Variants in RHBDL2 observed in about 807,000 individuals in gnomAD.
RHBDL2 encodes rhomboid like 2.
RHBDL2 carries 26 observed loss-of-function variants against 31.7 expected under a neutral mutation model. The ratio of observed to expected loss-of-function variants is 0.82; its 90% CI spans 0.60 to 1.14. RHBDL2 has a LOEUF of 1.14. Ranked by LOEUF, RHBDL2 falls within the 50% of genes most tolerant of loss-of-function variation. RHBDL2 has a pLI of 0.00. For synonymous variants in RHBDL2, 123 were observed against 127.2 expected (o/e 0.97, Z 0.22); for missense variants, 336 against 364.4 (o/e 0.92, Z 0.63).
intron 4 of RHBDL2, among the ~76,000 whole-genome samples, chr1:38,898,639 C>T (rs1642948222): frequency 6.6e-6 from 1 of 152,116 alleles, no homozygotes; most frequent in Non-Finnish European, 1.5e-5. Flanking sequence ...TTACAGAATA[C>T]AGCGCATGAA....
At chr1:38,888,445 A>G (rs4506432) in intron 6 of RHBDL2, among the ~76,000 whole-genome samples, 144,790 of 152,238 alleles carry the variant, frequency 0.95, 69,151 homozygotes, top group African/African-American at 0.98. Flanking sequence ...TACAAAGAGA[A>G]GAAGAAATAG....
At chr1:38,907,823 G>T (rs1421997513) in intron 4 of RHBDL2, among the ~76,000 whole-genome samples, 4 of 152,112 alleles carry the variant, frequency 2.6e-5, no homozygotes, top group African/African-American at 9.7e-5. Flanking sequence ...AGGACCTAAG[G>T]TTCAGTGAAA....
chr1:38,902,570 C>T (rs1643007000), intron 4 of RHBDL2, among the ~76,000 whole-genome samples: 1 of 151,826 alleles, frequency 6.6e-6, no homozygotes, highest in Admixed American at 6.6e-5. Flanking sequence ...CAGGTGCACA[C>T]CACCATGCCC....
chr1:38,896,055 A>C lies in RHBDL2; in HGVS notation c.523T>G (p.Ser175Ala). ...AGVIAGSLAS[S>A]IFDPLRYLVG... ...AGATATCTGAGTGGGTCAAAGATGG[A>C]GCTGGCAAGGGACCCTAAAGAAATA... Residue 175 changes from serine (S) to alanine (A), a missense_variant, in exon 5 of 8, where the codon TCC (serine) becomes GCC (alanine). Transcript: ENST00000372990. 2 of 1,613,306 alleles carry C rather than the reference A, an allele frequency of 1.2e-6. No homozygotes were observed. The highest frequency in any genetic ancestry group is 1.7e-6 in the Non-Finnish European group (2 of 1,179,316).
chr1:38,917,478 A>G (rs1483224570), intron 2 of RHBDL2, among the ~76,000 whole-genome samples: 2 of 152,152 alleles, frequency 1.3e-5, no homozygotes, highest in Non-Finnish European at 2.9e-5. Context: ...CATAGCACTC[A>G]TTGCCTAGGC....
rs533124602 is a variant in RHBDL2 at position 38,918,871 on chromosome 1, G to C, written c.246+96C>G. On this transcript the variant is annotated intron_variant, in intron 2 of 7. Transcript: ENST00000372990. ...CCATCCCCACGAAGCTCTCTCCCAT[G>C]TTCCCAGTCTCTTCTCTAGATCTAG... 2.7e-6 allele frequency: 4 copies of C among 1,459,410 alleles called. No homozygotes were observed. The South Asian group carries it at 4.0e-5, about 14-fold the overall frequency. The allele number at this position is 1,459,410 out of a possible 1,614,324, so 90.4% of individuals were successfully genotyped here. A position where few individuals can be genotyped will look rare whatever the true frequency, so the allele number is the denominator to read the frequency against.
In RHBDL2 at chr1:38,919,047, C is replaced by T. The variant is rs760049850; in HGVS notation, c.166G>A (p.Glu56Lys). The change falls in exon 2 of 8, where the codon GAA (glutamate) becomes AAA (lysine). Residue 56 changes from glutamate (E) to lysine (K), a missense_variant. Physicochemically the swap from Glu to Lys is moderately conservative, Grantham distance 56. Coordinates refer to ENST00000372990, the MANE Select transcript of RHBDL2 (RefSeq NM_017821.5). Reference sequence around the variant, plus strand: ...TCCAAGTATGTTCCTCGGGACTTTTCGGGCAGCATCCATTTTGAGACAATC... The same window carrying T: ...TCCAAGTATGTTCCTCGGGACTTTTTGGGCAGCATCCATTTTGAGACAATC... ...HRIVSKWMLP[E>K]KSRGTYLERA... is the part of the protein sequence containing the mutation. 8.9e-5 allele frequency: 143 copies of T among 1,614,038 alleles called. No individual in the cohort carries two copies. The highest frequency in any genetic ancestry group is 2.1e-4 in the South Asian group (19 of 91,080).
At chr1:38,915,282 G>T (rs1643217003) in intron 3 of RHBDL2, among the ~76,000 whole-genome samples, 1 of 151,574 alleles carries the variant, frequency 6.6e-6, no homozygotes, top group African/African-American at 2.4e-5. Flanking sequence ...GCATCACCAT[G>T]CCTGTCTAAT....
intron 3 of RHBDL2, among the ~76,000 whole-genome samples, chr1:38,912,883 C>CATATATATATATATATATATATATAT (rs141150431): frequency 2.8e-5 from 3 of 106,630 alleles, no homozygotes; most frequent in African/African-American, 1.5e-4. Context: ...TACCATATAC[C>CATATATATATATATATATATATATAT]ATATATATAT....
chr1:38,922,775 T>C (rs892587692), intron 1 of RHBDL2, among the ~76,000 whole-genome samples: 3 of 151,662 alleles, frequency 2.0e-5, no homozygotes, highest in Non-Finnish European at 4.4e-5. Flanking sequence ...TGAGGAAATA[T>C]TACCTATTAG....
chr1:38,924,615 G>A (rs1290199099), intron 1 of RHBDL2, among the ~76,000 whole-genome samples: 5 of 151,518 alleles, frequency 3.3e-5, no homozygotes, highest in African/African-American at 1.2e-4. Context: ...AAGGAAACAC[G>A]GAAGGAACTT....
Position 38,900,779 on chromosome 1 carries a change from G to A in RHBDL2, c.509-4710C>T, listed in dbSNP as rs144500872. On this transcript the variant is annotated intron_variant, in intron 4 of 7. Coordinates refer to ENST00000372990, the MANE Select transcript of RHBDL2 (RefSeq NM_017821.5). Reference sequence around the variant, plus strand: ...ATAAAAAGCATTGGCCGGGCAAAGTGGCTCATGCCTGTAATCCCAGCACTT... The same window carrying A: ...ATAAAAAGCATTGGCCGGGCAAAGTAGCTCATGCCTGTAATCCCAGCACTT... 2.1e-3 allele frequency among the ~76,000 whole-genome samples: 323 copies of A among 152,180 alleles called. 1 individual carries two copies. Among genetic ancestry groups the A allele is most frequent in the African/African-American group, 7.3e-3 (305 of 41,534 alleles).
intron 3 of RHBDL2, among the ~76,000 whole-genome samples, chr1:38,911,637 T>C (rs144096422): frequency 0.037 from 1,900 of 51,082 alleles, 56 homozygotes; most frequent in African/African-American, 0.11. Flanking sequence ...TGTGTGTGTG[T>C]GTGTGTGTGC....
At chr1:38,913,813 A>G (rs1417990970) in intron 3 of RHBDL2, among the ~76,000 whole-genome samples, 3 of 152,304 alleles carry the variant, frequency 2.0e-5, no homozygotes, top group South Asian at 4.1e-4. Flanking sequence ...ATGAAAGGCC[A>G]TCGGCATTTA....
At chr1:38,925,212 G>A (rs888516724) in intron 1 of RHBDL2, among the ~76,000 whole-genome samples, 2 of 151,860 alleles carry the variant, frequency 1.3e-5, no homozygotes, top group African/African-American at 2.4e-5. Flanking sequence ...GTAAAGTATA[G>A]CCAGGCCAGG....
chr1:38,930,305 TG>T (rs2124352036), intron 1 of RHBDL2, among the ~76,000 whole-genome samples: 1 of 152,348 alleles, frequency 6.6e-6, no homozygotes, highest in South Asian at 2.1e-4. Context: ...CCGTCTGCTC[TG>T]TGAAGACCTC....
At chr1:38,940,628 G>C (rs537293762) in intron 1 of RHBDL2, among the ~76,000 whole-genome samples, 1 of 152,292 alleles carries the variant, frequency 6.6e-6, no homozygotes, top group East Asian at 1.9e-4. Context: ...TGGTTAGGGA[G>C]AGGCATGGCA....
intron 1 of RHBDL2, among the ~76,000 whole-genome samples, chr1:38,936,127 T>C (rs1014018758): frequency 2.0e-5 from 3 of 152,098 alleles, no homozygotes; most frequent in Non-Finnish European, 2.9e-5. Flanking sequence ...GGATTCAAAC[T>C]CCTGGGCTCA....
intron 4 of RHBDL2, among the ~76,000 whole-genome samples, chr1:38,896,599 A>G (rs1642921318): frequency 6.6e-6 from 1 of 152,208 alleles, no homozygotes; most frequent in African/African-American, 2.4e-5. Context: ...TCCTATGTTC[A>G]GTCAAAATAC....
Sources: gnomAD v4.1 joint callset for allele counts (sites outside exome capture counted in the v4.1 genomes callset) on GRCh38, gnomAD v4.1.1 for gene constraint, MANE v1.5 for transcripts, NCBI Gene and HGNC (gene_info 2026-07-23, HGNC 2026-07-21) for gene names.